CACNA1C: variants seen among roughly 807,000 people sequenced by gnomAD.
The protein encoded by CACNA1C is calcium voltage-gated channel subunit alpha1 C, also known as voltage-dependent L-type calcium channel subunit alpha-1C.
A neutral mutation model predicts 229.0 loss-of-function variants in CACNA1C; 30 were observed. The ratio of observed to expected loss-of-function variants is 0.13; its 90% CI spans 0.10 to 0.18. The LOEUF is 0.18. Ranked by LOEUF, CACNA1C falls within the 10% of genes least tolerant of loss-of-function variation. The pLI, the probability that CACNA1C is intolerant of heterozygous loss-of-function variation, is 1.00. For synonymous variants in CACNA1C, 1,114 were observed against 1,132.5 expected (o/e 0.98, Z 0.33); for missense variants, 1,658 against 2,845.0 (o/e 0.58, Z 9.49).
intron 1 of CACNA1C, among the ~76,000 whole-genome samples, chr12:2,071,564 C>CT (rs1207044200): frequency 1.3e-5 from 2 of 152,134 alleles, no homozygotes; most frequent in Non-Finnish European, 2.9e-5. Context: ...CCTAGTCACT[C>CT]TATTTTGTTC....
intron 29 of CACNA1C, among the ~76,000 whole-genome samples, chr12:2,620,079 A>T (rs985991328): frequency 6.6e-6 from 1 of 152,168 alleles, no homozygotes; most frequent in Non-Finnish European, 1.5e-5. Flanking sequence ...TCAATGAAGA[A>T]CCAGACATGA....
At position 2,481,461 on chromosome 12, in the gene CACNA1C, G is replaced by A. The variant is rs566982660; in HGVS notation, c.758-4643G>A. Reference sequence around the variant, plus strand: ...TTGCACCCCAGAGGGAATGCGGGCAGCACTGTAAGAGGAAGAAAGGAAATC... The same window carrying A: ...TTGCACCCCAGAGGGAATGCGGGCAACACTGTAAGAGGAAGAAAGGAAATC... On this transcript the variant is annotated intron_variant, in intron 5 of 46. Coordinates refer to ENST00000399655, the MANE Select transcript of CACNA1C (RefSeq NM_000719.7). Among the ~76,000 whole-genome samples the A allele has an allele frequency of 2.3e-4, 35 of 152,338 alleles. No homozygotes were observed. The South Asian group carries it at 6.8e-3, about 30-fold the overall frequency.
At chr12:2,338,696 G>T (rs2096774555) in intron 3 of CACNA1C, among the ~76,000 whole-genome samples, 1 of 152,182 alleles carries the variant, frequency 6.6e-6, no homozygotes, top group African/African-American at 2.4e-5. Context: ...GACCCGGTAT[G>T]CCTGTGCATC....
chr12:2,501,233 A>T (rs940054486), intron 7 of CACNA1C, among the ~76,000 whole-genome samples: 1 of 149,000 alleles, frequency 6.7e-6, no homozygotes, highest in Non-Finnish European at 1.5e-5. Context: ...AAAAAAAAAA[A>T]AGTAAAGCAA....
At chr12:2,297,084 A>G (rs1045996168) in intron 3 of CACNA1C, among the ~76,000 whole-genome samples, 1 of 152,180 alleles carries the variant, frequency 6.6e-6, no homozygotes, top group Non-Finnish European at 1.5e-5. Context: ...AAGAAGAAAG[A>G]TGTCAGGTCC....
At chr12:2,446,127 GGATA>G (rs1402351221) in intron 3 of CACNA1C, among the ~76,000 whole-genome samples, 6 of 151,738 alleles carry the variant, frequency 4.0e-5, no homozygotes, top group African/African-American at 1.5e-4. Context: ...ATGGGTAGAT[GGATA>G]GATGGATGGA....
At chr12:2,336,609 A>T (rs1356921860) in intron 3 of CACNA1C, among the ~76,000 whole-genome samples, 1 of 152,198 alleles carries the variant, frequency 6.6e-6, no homozygotes, top group African/African-American at 2.4e-5. Context: ...AAATGAAAAC[A>T]ACCGTTTAAA....
At chr12:2,310,936 A>AG (rs1425268434) in intron 3 of CACNA1C, among the ~76,000 whole-genome samples, 6 of 152,236 alleles carry the variant, frequency 3.9e-5, no homozygotes, top group African/African-American at 1.2e-4. Context: ...AGCAGAACCC[A>AG]GGGCTGATGT....
intron 11 of CACNA1C, among the ~76,000 whole-genome samples, chr12:2,557,790 C>T (rs1568411563): frequency 1.3e-5 from 2 of 152,222 alleles, no homozygotes; most frequent in Non-Finnish European, 2.9e-5. Flanking sequence ...ACATGACACT[C>T]GGATTACTGG....
intron 5 of CACNA1C, among the ~76,000 whole-genome samples, chr12:2,472,790 A>T (rs1013896533): frequency 7.9e-5 from 12 of 152,178 alleles, no homozygotes; most frequent in Admixed American, 1.3e-4. Context: ...CATGGATAAT[A>T]TGTTGTTGTG....
intron 3 of CACNA1C, among the ~76,000 whole-genome samples, chr12:2,447,908 G>A (rs562431559): frequency 6.6e-6 from 1 of 152,254 alleles, no homozygotes. Context: ...GGACAGGCCC[G>A]CCGCACTCTG....
At chr12:2,549,527 G>A (rs552635603) in intron 9 of CACNA1C, among the ~76,000 whole-genome samples, 1 of 152,264 alleles carries the variant, frequency 6.6e-6, no homozygotes, top group East Asian at 1.9e-4. Context: ...CCTTAGAGAT[G>A]GTGGGTGGGA....
At chr12:2,093,192 C>T (rs1349356016) in intron 1 of CACNA1C, among the ~76,000 whole-genome samples, 1 of 152,192 alleles carries the variant, frequency 6.6e-6, no homozygotes, top group East Asian at 1.9e-4. Context: ...AGAGAGTGTA[C>T]GTGGGTATGT....
Position 2,355,100 on chromosome 12 carries a change from C to T in CACNA1C, c.478-93876C>T, listed in dbSNP as rs115042488. ...TCTGCCCGCTTCCCCGGGTATTTAT[C>T]ATGCTTACCTTCTACCGCACACACC... On this transcript the variant is annotated intron_variant, in intron 3 of 46. Coordinates refer to ENST00000399655, the MANE Select transcript of CACNA1C (RefSeq NM_000719.7). Among the ~76,000 whole-genome samples, 775 of 152,296 alleles carry T rather than the reference C, an allele frequency of 5.1e-3. 4 individuals carry two copies. Among genetic ancestry groups the T allele is most frequent in the African/African-American group, 0.018 (739 of 41,564 alleles).
At chr12:2,241,763 T>A (rs918545773) in intron 3 of CACNA1C, among the ~76,000 whole-genome samples, 4 of 152,232 alleles carry the variant, frequency 2.6e-5, no homozygotes, top group African/African-American at 9.6e-5. Flanking sequence ...TCCCTCCCAA[T>A]GTGGCTGCAT....
At chr12:2,418,529 T>C (rs536982709) in intron 3 of CACNA1C, among the ~76,000 whole-genome samples, 45 of 151,894 alleles carry the variant, frequency 3.0e-4, no homozygotes, top group African/African-American at 1.1e-3. Flanking sequence ...GTGGAGGAGA[T>C]GAGTGTTTGA....
Position 2,488,978 on chromosome 12 carries a change from G to A in CACNA1C, c.916+2716G>A, listed in dbSNP as rs979604311. Among the ~76,000 whole-genome samples the A allele has an allele frequency of 2.6e-5, 4 of 152,186 alleles. 1 individual carries two copies. Among genetic ancestry groups the A allele is most frequent in the Admixed American group, 1.3e-4 (2 of 15,284 alleles). The stretch of plus-strand genomic sequence containing the variant: ...CAGTGCAGACAAGGAGGGAAAATAC[G>A]CGAGAACCCAGACATGTCTGTGCAG... On this transcript the variant is annotated intron_variant, in intron 6 of 46. Transcript: ENST00000399655. This position sits in a 1 kb window ranked among gnomAD's most constrained non-coding sequence, Gnocchi z 4.0.
At chr12:2,027,858 T>C (rs1475480283) in intron 1 of CACNA1C, among the ~76,000 whole-genome samples, 1 of 152,238 alleles carries the variant, frequency 6.6e-6, no homozygotes, top group African/African-American at 2.4e-5. Context: ...AGCTTAGTAA[T>C]TGTAGAGCTA....
intron 1 of CACNA1C, among the ~76,000 whole-genome samples, chr12:2,068,880 C>T (rs1335222233): frequency 6.6e-6 from 1 of 152,172 alleles, no homozygotes; most frequent in African/African-American, 2.4e-5. Flanking sequence ...TTCCTTTTTT[C>T]CACTCCAGTG....
Sources: gnomAD v4.1 joint callset for allele counts (sites outside exome capture counted in the v4.1 genomes callset) on GRCh38, gnomAD v4.1.1 for gene constraint, Gnocchi (gnomAD v3.1) non-coding constraint, MANE v1.5 for transcripts, NCBI Gene and HGNC (gene_info 2026-07-23, HGNC 2026-07-21) for gene names.